MACROD2: variants seen among roughly 807,000 people sequenced by gnomAD.
MACROD2 encodes mono-ADP ribosylhydrolase 2, also known as ADP-ribose glycohydrolase MACROD2.
MACROD2 carries 36 observed loss-of-function variants against 70.4 expected under a neutral mutation model. The ratio of observed to expected loss-of-function variants is 0.51; its 90% CI spans 0.39 to 0.68. The LOEUF is 0.68. Ranked by LOEUF, MACROD2 falls within the 30% of genes least tolerant of loss-of-function variation. The pLI is 0.00. For synonymous variants in MACROD2, 172 were observed against 178.8 expected, an observed-to-expected ratio of 0.96 and a Z score of 0.30; for missense variants, 496 against 538.4, an observed-to-expected ratio of 0.92 and a Z score of 0.78.
intron 8 of MACROD2, among the ~76,000 whole-genome samples, chr20:15,830,475 A>G (rs1448763386): frequency 6.6e-6 from 1 of 152,194 alleles, no homozygotes; most frequent in African/African-American, 2.4e-5. Flanking sequence ...TGGATCCCTG[A>G]GGAGTTGGAA....
At chr20:15,071,164 G>A (rs1365889532) in intron 5 of MACROD2, among the ~76,000 whole-genome samples, 1 of 152,160 alleles carries the variant, frequency 6.6e-6, no homozygotes, top group African/African-American at 2.4e-5. Context: ...GTTGTTGATG[G>A]ATTACCCACA....
intron 8 of MACROD2, among the ~76,000 whole-genome samples, chr20:15,633,747 T>C (rs2049325102): frequency 1.3e-5 from 2 of 152,204 alleles, no homozygotes; most frequent in Admixed American, 1.3e-4. Flanking sequence ...ATTAAGTTAA[T>C]AGTATTTTAA....
chr20:14,191,180 G>A (rs969423010), intron 3 of MACROD2, among the ~76,000 whole-genome samples: 1 of 151,868 alleles, frequency 6.6e-6, no homozygotes, highest in Non-Finnish European at 1.5e-5. Flanking sequence ...CTTTACTTGT[G>A]TTCTTCCTGC....
At chr20:15,063,058 C>T (rs1278190585) in intron 5 of MACROD2, among the ~76,000 whole-genome samples, 2 of 152,272 alleles carry the variant, frequency 1.3e-5, no homozygotes, top group Middle Eastern at 3.4e-3. Context: ...CAAAGGGATT[C>T]GAAGCAGCAA....
At chr20:14,925,732 T>C (rs1179038101) in intron 5 of MACROD2, among the ~76,000 whole-genome samples, 1 of 152,232 alleles carries the variant, frequency 6.6e-6, no homozygotes, top group Non-Finnish European at 1.5e-5. Flanking sequence ...ACAACATCTC[T>C]ACTGCGTTCA....
At chr20:14,145,138 C>T (rs996530950) in intron 3 of MACROD2, among the ~76,000 whole-genome samples, 1 of 152,040 alleles carries the variant, frequency 6.6e-6, no homozygotes, top group African/African-American at 2.4e-5. Context: ...TATACCTCTA[C>T]AAAAAAAGCA....
At position 14,198,687 on chromosome 20, in the gene MACROD2, T is replaced by C. The variant is rs551581742; in HGVS notation, c.271+112959T>C. ...GGTAACAGACAATAATCAATCTCTC[T>C]CCCTTGCCCCCACCTTTTTCCTTTC... is the stretch of plus-strand genomic sequence containing the variant. On this transcript the variant is annotated intron_variant, in intron 3 of 17. Transcript: ENST00000684519. 3.0e-3 allele frequency among the ~76,000 whole-genome samples: 455 copies of C among 152,312 alleles called. 2 individuals are homozygous for C. Among genetic ancestry groups the C allele is most frequent in the African/African-American group, 0.01 (429 of 41,574 alleles).
intron 3 of MACROD2, among the ~76,000 whole-genome samples, chr20:14,224,755 T>A (rs7273136): frequency 0.012 from 1,876 of 152,306 alleles, 33 homozygotes; most frequent in Middle Eastern, 0.041. Context: ...TGCCATTTTT[T>A]AAATAATTGA....
At chr20:14,476,495 A>G (rs2084596252) in intron 3 of MACROD2, among the ~76,000 whole-genome samples, 1 of 152,186 alleles carries the variant, frequency 6.6e-6, no homozygotes, top group Non-Finnish European at 1.5e-5. Flanking sequence ...AGCTGGGATT[A>G]CAAGTATGCA....
intron 3 of MACROD2, among the ~76,000 whole-genome samples, chr20:14,336,990 T>G (rs895602571): frequency 5.3e-5 from 8 of 152,236 alleles, no homozygotes; most frequent in African/African-American, 1.7e-4. Context: ...TGAGGGATTA[T>G]TGATTTTCTT....
At chr20:15,631,873 C>T (rs367834788) in intron 8 of MACROD2, among the ~76,000 whole-genome samples, 4 of 152,184 alleles carry the variant, frequency 2.6e-5, no homozygotes, top group Non-Finnish European at 5.9e-5. Context: ...CATGGTGGCT[C>T]ACGCCTGTAA....
At chr20:14,488,043 G>A (rs763993432) in intron 3 of MACROD2, among the ~76,000 whole-genome samples, 1 of 152,188 alleles carries the variant, frequency 6.6e-6, no homozygotes, top group Non-Finnish European at 1.5e-5. Context: ...CCCCAAAAAT[G>A]TGGATATATG....
intron 9 of MACROD2, among the ~76,000 whole-genome samples, chr20:15,879,346 G>A (rs933046489): frequency 4.6e-5 from 7 of 151,596 alleles, no homozygotes; most frequent in Admixed American, 2.0e-4. Flanking sequence ...ATATTTTTTT[G>A]TTCCTAGTTT....
chr20:15,873,693 G>A (rs1399441791), intron 9 of MACROD2, among the ~76,000 whole-genome samples: 2 of 151,730 alleles, frequency 1.3e-5, no homozygotes, highest in Non-Finnish European at 2.9e-5. Context: ...AAGAAAGAAG[G>A]AAGGAAGGAA....
chr20:16,015,050 G>T (rs1454925031), intron 15 of MACROD2, among the ~76,000 whole-genome samples: 1 of 152,026 alleles, frequency 6.6e-6, no homozygotes, highest in Non-Finnish European at 1.5e-5. Flanking sequence ...ATTCAGTCCT[G>T]CAAAAGAGAC....
At chr20:15,392,883 C>A (rs1568772089) in intron 6 of MACROD2, among the ~76,000 whole-genome samples, 1 of 151,308 alleles carries the variant, frequency 6.6e-6, no homozygotes, top group African/African-American at 2.4e-5. Context: ...GGAAATTGTA[C>A]AGTGTAAAGT....
chr20:14,852,850 T>G (rs1168780479), intron 5 of MACROD2, among the ~76,000 whole-genome samples: 2 of 152,200 alleles, frequency 1.3e-5, no homozygotes, highest in Non-Finnish European at 2.9e-5. Context: ...TTTTATTCTG[T>G]TCAACAAACT....
intron 5 of MACROD2, among the ~76,000 whole-genome samples, chr20:14,781,960 C>G (rs1401714098): frequency 6.6e-6 from 1 of 151,776 alleles, no homozygotes; most frequent in East Asian, 1.9e-4. Flanking sequence ...GAGTCTTGCT[C>G]TGTCACCCAG....
chr20:14,298,432 G>A (rs2082445624), intron 3 of MACROD2, among the ~76,000 whole-genome samples: 1 of 151,660 alleles, frequency 6.6e-6, no homozygotes, highest in South Asian at 2.1e-4. Context: ...GCTGGATGTG[G>A]TGGTGGGTGT....
Sources: gnomAD v4.1 joint callset for allele counts (sites outside exome capture counted in the v4.1 genomes callset) on GRCh38, gnomAD v4.1.1 for gene constraint, MANE v1.5 for transcripts, NCBI Gene and HGNC (gene_info 2026-07-23, HGNC 2026-07-21) for gene names.